ZSWIM5: variants seen among roughly 807,000 people sequenced by gnomAD.
ZSWIM5 encodes the protein zinc finger SWIM domain-containing protein 5.
A neutral mutation model predicts 119.6 loss-of-function variants in ZSWIM5; 55 were observed. The ratio of observed to expected loss-of-function variants is 0.46; its 90% CI spans 0.37 to 0.58. ZSWIM5 has a LOEUF of 0.58. Ranked by LOEUF, ZSWIM5 falls within the 20% of genes least tolerant of loss-of-function variation. The pLI, the probability that ZSWIM5 is intolerant of heterozygous loss-of-function variation, is 0.00. For missense variants in ZSWIM5, 1,193 were observed against 1,512.8 expected (o/e 0.79, Z 3.51); for synonymous variants, 537 against 606.9 (o/e 0.88, Z 1.69).
intron 1 of ZSWIM5, among the ~76,000 whole-genome samples, chr1:45,133,542 T>C (rs1453316533): frequency 6.6e-6 from 1 of 152,226 alleles, no homozygotes; most frequent in Admixed American, 6.5e-5. Flanking sequence ...TGCAAAAATT[T>C]TCTCTCATTC....
chr1:45,145,964 G>A (rs1433688480), intron 1 of ZSWIM5, among the ~76,000 whole-genome samples: 1 of 152,194 alleles, frequency 6.6e-6, no homozygotes, highest in East Asian at 1.9e-4. Flanking sequence ...AAGGATGACA[G>A]TGATCAACTA....
chr1:45,163,579 AAAGATTGGACG>A (rs1645879003), intron 1 of ZSWIM5, among the ~76,000 whole-genome samples: 1 of 152,222 alleles, frequency 6.6e-6, no homozygotes, highest in South Asian at 2.1e-4. Context: ...AACCTTGAAA[AAAGATTGGACG>A]AATTGCTAAC....
At chr1:45,150,186 AAAAAAG>A (rs1435595134) in intron 1 of ZSWIM5, among the ~76,000 whole-genome samples, 1 of 150,568 alleles carries the variant, frequency 6.6e-6, no homozygotes, top group Non-Finnish European at 1.5e-5. Context: ...AAAAAAAAAA[AAAAAAG>A]AAAAAGAAAA....
At chr1:45,049,806 A>T (rs1184116519) in intron 5 of ZSWIM5, among the ~76,000 whole-genome samples, 1 of 151,782 alleles carries the variant, frequency 6.6e-6, no homozygotes, top group Non-Finnish European at 1.5e-5. Context: ...AGAACAAAGC[A>T]TGTGTTTGTA....
intron 1 of ZSWIM5, among the ~76,000 whole-genome samples, chr1:45,172,304 G>A (rs1046909920): frequency 3.3e-5 from 5 of 151,850 alleles, no homozygotes; most frequent in African/African-American, 1.2e-4. Context: ...TGTCCAAAAA[G>A]GAAGATAAAA....
At chr1:45,138,894 CTTT>C (rs34851118) in intron 1 of ZSWIM5, among the ~76,000 whole-genome samples, 8 of 140,570 alleles carry the variant, frequency 5.7e-5, no homozygotes, top group Admixed American at 7.1e-5. Flanking sequence ...TTTTCTTTTT[CTTT>C]TTTTTTTTTT....
chr1:45,151,835 CAT>C (rs964969449), intron 1 of ZSWIM5, among the ~76,000 whole-genome samples: 8 of 152,186 alleles, frequency 5.3e-5, no homozygotes, highest in East Asian at 1.9e-4. Context: ...AGTTTTGACA[CAT>C]GTTAAGTTTG....
At chr1:45,205,415 T>C (rs1021586641) in intron 1 of ZSWIM5, among the ~76,000 whole-genome samples, 2 of 152,100 alleles carry the variant, frequency 1.3e-5, no homozygotes, top group African/African-American at 4.8e-5. Flanking sequence ...AATCCTCTCC[T>C]CTCCAAACTT....
At chr1:45,071,454 C>CTTTTTTTTTTTTT (rs58028758) in intron 2 of ZSWIM5, among the ~76,000 whole-genome samples, 5 of 93,746 alleles carry the variant, frequency 5.3e-5, no homozygotes, top group South Asian at 4.1e-4. Context: ...GACAGAATCT[C>CTTTTTTTTTTTTT]TTTTTTTTTT....
intron 1 of ZSWIM5, among the ~76,000 whole-genome samples, chr1:45,149,649 C>T (rs975240178): frequency 3.8e-4 from 58 of 152,110 alleles, no homozygotes; most frequent in African/African-American, 1.2e-3. Context: ...TTAAATCTTG[C>T]TTTCATTTAT....
At chr1:45,156,097 T>C (rs1397623216) in intron 1 of ZSWIM5, among the ~76,000 whole-genome samples, 2 of 151,934 alleles carry the variant, frequency 1.3e-5, no homozygotes, top group East Asian at 1.9e-4. Context: ...ACATGGTATA[T>C]ATACACCATG....
At chr1:45,109,828 C>G (rs1191969980) in intron 1 of ZSWIM5, among the ~76,000 whole-genome samples, 1 of 151,810 alleles carries the variant, frequency 6.6e-6, no homozygotes, top group Non-Finnish European at 1.5e-5. Flanking sequence ...CCTAAACTGT[C>G]AATTGTGTAT....
chr1:45,116,561 C>T (rs570400662), intron 1 of ZSWIM5, among the ~76,000 whole-genome samples: 7 of 152,266 alleles, frequency 4.6e-5, no homozygotes, highest in African/African-American at 1.7e-4. Context: ...TACACAGCTT[C>T]TTTTTAGTAA....
intron 1 of ZSWIM5, among the ~76,000 whole-genome samples, chr1:45,163,422 T>C (rs953584882): frequency 6.6e-5 from 10 of 152,176 alleles, no homozygotes; most frequent in African/African-American, 2.4e-4. Flanking sequence ...CTCTTCTCCT[T>C]CAAAGGAACA....
At chr1:45,031,169 ATTTT>A (rs34390567) in intron 11 of ZSWIM5, among the ~76,000 whole-genome samples, 6 of 61,744 alleles carry the variant, frequency 9.7e-5, no homozygotes, top group African/African-American at 2.8e-4. Flanking sequence ...TTTTGCTCTG[ATTTT>A]TTTTTTTTTT....
chr1:45,200,080 G>C (rs74999691), intron 1 of ZSWIM5, among the ~76,000 whole-genome samples: 1 of 152,066 alleles, frequency 6.6e-6, no homozygotes, highest in Non-Finnish European at 1.5e-5. Flanking sequence ...AATTAAGAGA[G>C]ATGTCATACT....
At chr1:45,204,603 C>G (rs1182676842) in intron 1 of ZSWIM5, among the ~76,000 whole-genome samples, 1 of 152,104 alleles carries the variant, frequency 6.6e-6, no homozygotes, top group Non-Finnish European at 1.5e-5. Context: ...CAGCACGATT[C>G]AAAGAAAAAC....
chr1:45,166,362 A>C (rs1645903261), intron 1 of ZSWIM5, among the ~76,000 whole-genome samples: 1 of 152,080 alleles, frequency 6.6e-6, no homozygotes. Context: ...AACCAATATA[A>C]TACTGAATGG....
chr1:45,050,120 G>A (rs1645080713), intron 5 of ZSWIM5, among the ~76,000 whole-genome samples: 1 of 152,178 alleles, frequency 6.6e-6, no homozygotes, highest in Admixed American at 6.5e-5. Flanking sequence ...CTGAGAGGCT[G>A]ACGGTGGGCA....
Sources: allele counts gnomAD v4.1 joint callset (sites outside exome capture counted in the v4.1 genomes callset), GRCh38; gene constraint gnomAD v4.1.1; transcripts MANE v1.5; gene names NCBI Gene and HGNC (gene_info 2026-07-23, HGNC 2026-07-21).